The following CRISPLD1 variants were observed in gnomAD, a reference collection of about 807,000 sequenced individuals.
CRISPLD1 encodes cysteine rich secretory protein LCCL domain containing 1.
CRISPLD1 carries 60 observed loss-of-function variants against 77.5 expected under a neutral mutation model. The ratio of observed to expected loss-of-function variants is 0.77; its 90% CI spans 0.63 to 0.96. The LOEUF (loss-of-function observed/expected upper bound fraction) is 0.96, where lower values mean the gene tolerates loss of function less well. CRISPLD1 is among the 40% of genes least tolerant of loss of function. The pLI is 0.00. For missense variants in CRISPLD1, 623 were observed against 615.8 expected, an observed-to-expected ratio of 1.01 and a Z score of -0.12; for synonymous variants, 195 against 200.1, an observed-to-expected ratio of 0.97 and a Z score of 0.22.
chr8:74,986,979 C>G (rs1342102738), intron 2 of CRISPLD1, among the ~76,000 whole-genome samples: 1 of 152,182 alleles, frequency 6.6e-6, no homozygotes. Flanking sequence ...TTTCAAAAAT[C>G]TATTATATTC....
Position 75,029,380 on chromosome 8 carries a change from TTC to T in CRISPLD1, c.1321-4_1321-3del. On this transcript the variant is annotated splice_region_variant and splice_polypyrimidine_tract_variant and intron_variant, in intron 13 of 14. Transcript: ENST00000262207. ...AATAATGGCAGTTTGTTTCTTTACC[TTC>T]TCAGCTGTCCAGTATCTGCAGAGCA... 1 of 1,608,930 alleles carries T rather than the reference TTC, an allele frequency of 6.2e-7. No homozygotes were observed. Among genetic ancestry groups the T allele is most frequent in the Non-Finnish European group, 8.5e-7 (1 of 1,178,172 alleles).
chr8:74,990,817 T>C (rs1812561830), intron 2 of CRISPLD1, among the ~76,000 whole-genome samples: 1 of 151,912 alleles, frequency 6.6e-6, no homozygotes, highest in South Asian at 2.1e-4. Flanking sequence ...GTTAACTTTT[T>C]ACCATACATT....
chr8:75,015,850 C>G (rs1253854954), intron 6 of CRISPLD1, among the ~76,000 whole-genome samples: 4 of 152,092 alleles, frequency 2.6e-5, no homozygotes, highest in African/African-American at 9.7e-5. Context: ...CCTGCCTCTT[C>G]CCCGGTGACC....
At chr8:74,994,018 T>C (rs1053316109) in intron 2 of CRISPLD1, among the ~76,000 whole-genome samples, 6 of 152,198 alleles carry the variant, frequency 3.9e-5, no homozygotes, top group African/African-American at 1.4e-4. Flanking sequence ...AGCTGAGTGA[T>C]AAGAAGCCAT....
Position 75,014,886 on chromosome 8 carries a change from G to C in CRISPLD1, c.701G>C (p.Gly234Ala), listed in dbSNP as rs1357394643. Residue 234 changes from glycine (G) to alanine (A), a missense_variant, in exon 6 of 15, where the codon GGC (glycine) becomes GCC (alanine). By Grantham distance (60) the Gly-to-Ala change is moderately conservative. Transcript: ENST00000262207. ...CSACPPSFGG[G>A]CRENLCYKEG... ...GCTTGCCCACCTAGTTTTGGAGGGG[G>C]CTGTAGAGAAAATCTGTGCTACAAA... is the stretch of plus-strand genomic sequence containing the variant. 1 of 1,573,478 alleles carries C rather than the reference G, an allele frequency of 6.4e-7. No homozygotes were observed. The highest frequency in any genetic ancestry group is 2.0e-5 in the Admixed American group (1 of 49,140).
intron 14 of CRISPLD1, among the ~76,000 whole-genome samples, chr8:75,031,486 A>G (rs1179957728): frequency 2.0e-5 from 3 of 152,024 alleles, no homozygotes; most frequent in Non-Finnish European, 2.9e-5. Context: ...AATATAAACA[A>G]TTTAATAAAG....
chr8:74,987,741 T>G (rs1385551211), intron 2 of CRISPLD1, among the ~76,000 whole-genome samples: 1 of 152,208 alleles, frequency 6.6e-6, no homozygotes, highest in Non-Finnish European at 1.5e-5. Flanking sequence ...ACTAGGCTAC[T>G]GTATGCTTAT....
chr8:75,003,551 A>G (rs933238733), intron 2 of CRISPLD1, among the ~76,000 whole-genome samples: 1 of 152,188 alleles, frequency 6.6e-6, no homozygotes, highest in Non-Finnish European at 1.5e-5. Flanking sequence ...AGACTTTTAG[A>G]TCAATCCTGC....
chr8:75,012,455 G>C lies in CRISPLD1; in HGVS notation c.281G>C (p.Arg94Thr). 6.2e-7 allele frequency: 1 copy of C among 1,612,480 alleles called. No individual in the cohort carries two copies. ...TAGACATGGGATGTAGAGCTGGAAA[G>C]ATCTGCAGAATCCTGGGCTGAAAGT... is the stretch of plus-strand genomic sequence containing the variant. Reference protein sequence around the residue: ...EYMTWDVELERSAESWAESCL... With the variant: ...EYMTWDVELETSAESWAESCL... The change falls in exon 3 of 15, where the codon AGA becomes ACA. Residue 94 changes from arginine to threonine, a missense_variant. Coordinates refer to ENST00000262207, the MANE Select transcript of CRISPLD1 (RefSeq NM_031461.6).
At chr8:75,005,100 TCAAA>T in intron 2 of CRISPLD1, among the ~76,000 whole-genome samples, 1 of 152,138 alleles carries the variant, frequency 6.6e-6, no homozygotes. Flanking sequence ...AAACGGCTTC[TCAAA>T]CAGCAGTTTG....
Position 75,016,546 on chromosome 8 carries a change from A to C in CRISPLD1, c.728-19A>C. ...TGTAAAATAGGGTTAATATTTCCTA[A>C]ATCTGCTTTCTCTAACAGAAGGGTC... On this transcript the variant is annotated intron_variant, in intron 6 of 14. Transcript: ENST00000262207. 6.3e-7 allele frequency: 1 copy of C among 1,598,038 alleles called. No individual in the cohort carries two copies. The highest frequency in any genetic ancestry group is 8.5e-7 in the Non-Finnish European group (1 of 1,172,638).
intron 13 of CRISPLD1, among the ~76,000 whole-genome samples, chr8:75,026,156 C>T (rs941300414): frequency 1.3e-5 from 2 of 152,104 alleles, no homozygotes; most frequent in African/African-American, 4.8e-5. Flanking sequence ...ATGATCATAT[C>T]TCAGTTTAAC....
chr8:75,019,645 A>G (rs1284060672), intron 10 of CRISPLD1, among the ~76,000 whole-genome samples: 1 of 152,054 alleles, frequency 6.6e-6, no homozygotes, highest in Non-Finnish European at 1.5e-5. Context: ...TTTGAGATCA[A>G]TAATGAAAAG....
At position 75,032,409 on chromosome 8, in the gene CRISPLD1, G is replaced by A. The variant is rs1254470441; in HGVS notation, c.*167G>A. 4.6e-6 allele frequency: 2 copies of A among 430,222 alleles called. No individual in the cohort carries two copies. The highest frequency in any genetic ancestry group is 8.3e-5 in the Admixed American group (2 of 24,004). 26.7% of individuals were successfully genotyped at this position (430,222 alleles called of 1,614,324 possible). ...AACAAAGTCTATAAAATAAAACATG[G>A]GACATTAGCTTTGGGAAAAGTAATG... is the stretch of plus-strand genomic sequence containing the variant. On this transcript the variant is annotated 3_prime_UTR_variant, in exon 15 of 15. Transcript: ENST00000262207.
chr8:75,019,469 T>C (rs1014951600), intron 10 of CRISPLD1, among the ~76,000 whole-genome samples: 1 of 152,192 alleles, frequency 6.6e-6, no homozygotes, highest in Non-Finnish European at 1.5e-5. Context: ...TAGTTACTTA[T>C]TATTTTGTAG....
intron 2 of CRISPLD1, among the ~76,000 whole-genome samples, chr8:74,990,145 A>G (rs1812551064): frequency 6.6e-6 from 1 of 152,148 alleles, no homozygotes; most frequent in East Asian, 1.9e-4. Context: ...TAACGTGTAT[A>G]TTACATTATG....
At chr8:75,001,602 G>A (rs766768658) in intron 2 of CRISPLD1, among the ~76,000 whole-genome samples, 18 of 152,300 alleles carry the variant, frequency 1.2e-4, no homozygotes, top group Admixed American at 3.3e-4. Flanking sequence ...AGAAGTTACC[G>A]TCATTGTGTG....
chr8:75,025,381 G>A (rs1251794978), intron 12 of CRISPLD1, among the ~76,000 whole-genome samples, 165 bp from the exon 13 acceptor site: 1 of 151,866 alleles, frequency 6.6e-6, no homozygotes. Context: ...AGAAGCAATT[G>A]TGTCTACTGC....
intron 10 of CRISPLD1, among the ~76,000 whole-genome samples, chr8:75,017,951 T>G (rs902591078): frequency 6.6e-6 from 1 of 152,200 alleles, no homozygotes. Flanking sequence ...AGCATTTAAT[T>G]TTATTAATGT....
Sources: allele counts gnomAD v4.1 joint callset (sites outside exome capture counted in the v4.1 genomes callset), GRCh38; gene constraint gnomAD v4.1.1; transcripts MANE v1.5; gene names NCBI Gene and HGNC (gene_info 2026-07-23, HGNC 2026-07-21).